Variants in MSRA observed in about 807,000 individuals in gnomAD.
MSRA encodes methionine sulfoxide reductase A.
In MSRA, 54 loss-of-function variants were observed where a neutral mutation model predicts 31.3. The observed-to-expected ratio is 1.73, with a 90% CI of 1.39 to 2.17. The LOEUF is 2.17. MSRA is among the 30% of genes most tolerant of loss of function. MSRA has a pLI of 0.00. For missense variants in MSRA, 507 were observed against 300.9 expected, an observed-to-expected ratio of 1.69 and a Z score of -5.07; for synonymous variants, 169 against 116.5, an observed-to-expected ratio of 1.45 and a Z score of -2.90.
intron 5 of MSRA, among the ~76,000 whole-genome samples, chr8:10,393,107 G>C (rs530271773): frequency 1.3e-5 from 2 of 150,780 alleles, no homozygotes; most frequent in South Asian, 4.2e-4. Context: ...TGATCTCTGA[G>C]TTATGCTGCG....
chr8:10,354,750 G>GTA (rs754778002), intron 5 of MSRA, among the ~76,000 whole-genome samples: 4,814 of 138,258 alleles, frequency 0.035, 130 homozygotes, highest in African/African-American at 0.08. Flanking sequence ...GTGTGTGTGT[G>GTA]TATATATATA....
chr8:10,203,791 A>T (rs1045482747), intron 1 of MSRA, among the ~76,000 whole-genome samples: 4 of 152,184 alleles, frequency 2.6e-5, no homozygotes, highest in Non-Finnish European at 5.9e-5. Context: ...CCAGAAGGAG[A>T]CATTGTTACC....
intron 3 of MSRA, among the ~76,000 whole-genome samples, chr8:10,283,316 T>A (rs1182963571): frequency 6.6e-6 from 1 of 152,176 alleles, no homozygotes; most frequent in Non-Finnish European, 1.5e-5. Flanking sequence ...TTTAGCTGCC[T>A]TCAGAACCCT....
At chr8:10,398,549 G>T (rs970019854) in intron 5 of MSRA, among the ~76,000 whole-genome samples, 3 of 152,236 alleles carry the variant, frequency 2.0e-5, no homozygotes, top group African/African-American at 7.2e-5. Context: ...GAAAAACAGA[G>T]TGCCCAGAAC....
At chr8:10,216,484 C>A (rs1389447606) in intron 2 of MSRA, among the ~76,000 whole-genome samples, 1 of 152,034 alleles carries the variant, frequency 6.6e-6, no homozygotes. Context: ...TGTTAAGTAC[C>A]TTCACATTGT....
At chr8:10,423,942 A>G (rs1808970492) in intron 5 of MSRA, among the ~76,000 whole-genome samples, 1 of 151,122 alleles carries the variant, frequency 6.6e-6, no homozygotes, top group African/African-American at 2.4e-5. Flanking sequence ...TTAATTGCAC[A>G]CAGTGCACAA....
chr8:10,176,954 C>T (rs937347110), intron 1 of MSRA, among the ~76,000 whole-genome samples: 1 of 152,160 alleles, frequency 6.6e-6, no homozygotes, highest in Non-Finnish European at 1.5e-5. Flanking sequence ...TGTCTGGAGA[C>T]ATATTGATGG....
intron 3 of MSRA, among the ~76,000 whole-genome samples, chr8:10,282,090 G>A (rs970173162): frequency 6.6e-6 from 1 of 152,146 alleles, no homozygotes; most frequent in Non-Finnish European, 1.5e-5. Flanking sequence ...TGCATTGGGA[G>A]CTGAAATAAT....
At chr8:10,061,424 A>C (rs1239072933) in intron 1 of MSRA, among the ~76,000 whole-genome samples, 1 of 152,110 alleles carries the variant, frequency 6.6e-6, no homozygotes, top group Non-Finnish European at 1.5e-5. Flanking sequence ...TCTCCAACCT[A>C]AGTGATCTCC....
chr8:10,211,399 C>G (rs983240330), intron 2 of MSRA, among the ~76,000 whole-genome samples: 1 of 152,166 alleles, frequency 6.6e-6, no homozygotes, highest in Non-Finnish European at 1.5e-5. Context: ...CTGTGGCTCT[C>G]CCTCTCCTCT....
chr8:10,241,713 G>C (rs1003372043), intron 2 of MSRA, among the ~76,000 whole-genome samples: 2 of 151,914 alleles, frequency 1.3e-5, no homozygotes, highest in Admixed American at 1.3e-4. Flanking sequence ...GAGACAACTA[G>C]ACATTTTGTG....
chr8:10,172,243 C>T (rs1805656464), intron 1 of MSRA, among the ~76,000 whole-genome samples: 1 of 152,160 alleles, frequency 6.6e-6, no homozygotes, highest in Admixed American at 6.5e-5. Flanking sequence ...GGGTATGATA[C>T]TGGGCTGCTA....
At chr8:10,361,187 G>A (rs1255511710) in intron 5 of MSRA, among the ~76,000 whole-genome samples, 1 of 152,188 alleles carries the variant, frequency 6.6e-6, no homozygotes, top group Non-Finnish European at 1.5e-5. Context: ...ATAATTACCA[G>A]AGACACTTAA....
chr8:10,192,652 T>G (rs1375906657), intron 1 of MSRA, among the ~76,000 whole-genome samples: 1 of 152,206 alleles, frequency 6.6e-6, no homozygotes, highest in Non-Finnish European at 1.5e-5. Context: ...GGATGGGAAA[T>G]GTATTCTTTT....
rs928351054 is a variant in MSRA, at chr8:10,383,545, A to AT, written c.544-44593dup. Among the ~76,000 whole-genome samples the AT allele has an allele frequency of 5.9e-4, 89 of 150,368 alleles. 2 individuals carry two copies. The highest frequency in any genetic ancestry group is 2.9e-3 in the Admixed American group (43 of 15,066). On this transcript the variant is annotated intron_variant, in intron 5 of 5. Transcript: ENST00000317173. ...TCCTTAATTTAGCTGCCTGTCAGTT[A>AT]TTTTTTTTTTCCAGGTGGTTTCAGG...
chr8:10,268,830 A>G (rs1226753952), intron 3 of MSRA, among the ~76,000 whole-genome samples: 1 of 152,242 alleles, frequency 6.6e-6, no homozygotes, highest in African/African-American at 2.4e-5. Context: ...AACCTATTGA[A>G]GAGAATGCTT....
At chr8:10,269,187 C>T (rs1798900550) in intron 3 of MSRA, among the ~76,000 whole-genome samples, 1 of 152,188 alleles carries the variant, frequency 6.6e-6, no homozygotes, top group African/African-American at 2.4e-5. Context: ...TAGAATTCAT[C>T]CAAACAATTG....
In MSRA at chr8:10,195,576, G is replaced by A. The variant is rs1385224317; in HGVS notation, c.143-12257G>A. Among the ~76,000 whole-genome samples the A allele has an allele frequency of 3.9e-5, 6 of 152,086 alleles. No homozygotes were observed. In the South Asian group the frequency reaches 1.2e-3, roughly 32 times the overall value. On this transcript the variant is annotated intron_variant, in intron 1 of 5. Coordinates refer to ENST00000317173, the MANE Select transcript of MSRA (RefSeq NM_012331.5). ...TCTCTTTATCACTATATTATTTCCT[G>A]TAGAATCTTCTTTGTCTTCTGAACC... is the stretch of plus-strand genomic sequence containing the variant.
intron 5 of MSRA, among the ~76,000 whole-genome samples, chr8:10,370,511 GT>G (rs1441399674): frequency 4.6e-5 from 7 of 152,240 alleles, no homozygotes; most frequent in Non-Finnish European, 8.8e-5. Flanking sequence ...AATGTTGGTT[GT>G]CATTTAATCA....
Sources: allele counts gnomAD v4.1 joint callset (sites outside exome capture counted in the v4.1 genomes callset), GRCh38; gene constraint gnomAD v4.1.1; transcripts MANE v1.5; gene names NCBI Gene and HGNC (gene_info 2026-07-23, HGNC 2026-07-21).